Variants in RELCH observed in about 807,000 individuals in gnomAD.
RELCH encodes the protein RAB11 binding and LisH domain, coiled-coil and HEAT repeat containing.
In RELCH, 41 loss-of-function variants were observed where a neutral mutation model predicts 150.3. The ratio of observed to expected loss-of-function variants is 0.27; its 90% CI spans 0.21 to 0.35. The LOEUF (loss-of-function observed/expected upper bound fraction) is 0.35, where lower values mean the gene tolerates loss of function less well. RELCH is among the 10% of genes least tolerant of loss of function. RELCH has a pLI of 1.00. For synonymous variants in RELCH, 478 were observed against 531.8 expected (o/e 0.90, Z 1.39); for missense variants, 1,092 against 1,467.8 (o/e 0.74, Z 4.18).
chr18:62,237,022 A>T (rs2041911350), intron 10 of RELCH, among the ~76,000 whole-genome samples: 1 of 151,530 alleles, frequency 6.6e-6, no homozygotes, highest in African/African-American at 2.4e-5. Flanking sequence ...ATGTTTTCTC[A>T]TTAATTCTTG....
intron 23 of RELCH, chr18:62,280,367 T>C: frequency 1.2e-6 from 2 of 1,613,914 alleles, no homozygotes; most frequent in Non-Finnish European, 1.7e-6. Context: ...CAGCTGACTC[T>C]TCGAGGCATG....
chr18:62,212,786 C>CA (rs2040249046), intron 2 of RELCH, among the ~76,000 whole-genome samples: 1 of 152,094 alleles, frequency 6.6e-6, no homozygotes. Flanking sequence ...TACCTCTTGG[C>CA]ATGAAAGATT....
rs538558000 is a variant in RELCH, at chr18:62,225,762, A to G, written c.859-1527A>G. ...TAAATTTTGGTTGAATGATAGATAG[A>G]TGGACATTTGAATTATGTGTAATGT... On this transcript the variant is annotated intron_variant, in intron 5 of 28. Coordinates refer to ENST00000644646, the MANE Select transcript of RELCH (RefSeq NM_001346231.2). Among the ~76,000 whole-genome samples, 5 of 151,958 alleles carry G rather than the reference A, an allele frequency of 3.3e-5. No homozygotes were observed. In the East Asian group the frequency reaches 5.8e-4, roughly 18 times the overall value.
intron 1 of RELCH, among the ~76,000 whole-genome samples, chr18:62,208,879 G>A (rs935567587): frequency 2.0e-5 from 3 of 152,112 alleles, no homozygotes; most frequent in South Asian, 2.1e-4. Flanking sequence ...TGGGTCTCAC[G>A]TTGAGCTAAA....
intron 11 of RELCH, among the ~76,000 whole-genome samples, chr18:62,251,995 C>CTTTTTTTCT (rs1283408916): frequency 1.3e-5 from 2 of 151,736 alleles, no homozygotes; most frequent in African/African-American, 2.4e-5. Context: ...ATAATTTTTT[C>CTTTTTTTCT]TTTTTTTCTT....
intron 1 of RELCH, among the ~76,000 whole-genome samples, chr18:62,201,182 C>T (rs1163146138): frequency 2.0e-5 from 3 of 151,792 alleles, no homozygotes; most frequent in African/African-American, 7.3e-5. Context: ...ACCGTTTCAG[C>T]CAGGATGGTC....
chr18:62,255,621 C>A, intron 13 of RELCH, 143 bp downstream of exon 13: 1 of 656,120 alleles, frequency 1.5e-6, no homozygotes, highest in Non-Finnish European at 2.6e-6. Context: ...AAAAGAGACT[C>A]ACATTAGTAC....
intron 10 of RELCH, among the ~76,000 whole-genome samples, chr18:62,233,435 C>T (rs1281989844): frequency 6.6e-6 from 1 of 151,888 alleles, no homozygotes. Flanking sequence ...ATCCATTTAG[C>T]ACAAGAAATT....
intron 5 of RELCH, among the ~76,000 whole-genome samples, chr18:62,226,582 A>C (rs2041229794): frequency 6.6e-6 from 1 of 152,104 alleles, no homozygotes; most frequent in South Asian, 2.1e-4. Flanking sequence ...TAATAGGTAC[A>C]ATTTATGTAC....
At chr18:62,244,304 G>A (rs1200251123) in intron 10 of RELCH, among the ~76,000 whole-genome samples, 1 of 152,058 alleles carries the variant, frequency 6.6e-6, no homozygotes, top group East Asian at 1.9e-4. Flanking sequence ...GTACAAAATT[G>A]TTAGATCTAA....
intron 25 of RELCH, among the ~76,000 whole-genome samples, chr18:62,282,923 G>T (rs564773666): frequency 6.6e-6 from 1 of 152,272 alleles, no homozygotes; most frequent in East Asian, 1.9e-4. Context: ...CTCCCAAAGT[G>T]TTGGGATTAC....
chr18:62,292,089 T>C (rs8084388), intron 27 of RELCH, among the ~76,000 whole-genome samples: 21,538 of 152,116 alleles, frequency 0.14, 1,853 homozygotes, highest in African/African-American at 0.24. Flanking sequence ...CAGCTTTTCC[T>C]TTTACGATGT....
At chr18:62,267,294 T>A (rs1442191677) in intron 19 of RELCH, among the ~76,000 whole-genome samples, 2 of 151,748 alleles carry the variant, frequency 1.3e-5, no homozygotes, top group Non-Finnish European at 2.9e-5. Context: ...GTATGGATCT[T>A]GTGTCCCTAT....
rs68067609 is a variant in RELCH at position 62,253,267 on chromosome 18, TTGTGTGTGTGTGTGTGTGTGTG to T, written c.1824+537_1824+558del. Among the ~76,000 whole-genome samples the T allele has an allele frequency of 8.4e-3, 1,146 of 136,554 alleles. 17 individuals are homozygous for T. The highest frequency in any genetic ancestry group is 0.056 in the East Asian group (264 of 4,674). 89.6% of individuals were successfully genotyped at this position (136,554 alleles called of 152,430 possible). On this transcript the variant is annotated intron_variant, in intron 12 of 28. Transcript: ENST00000644646. ...TATACTTGAAGAAACAGCAAGAAGA[TTGTGTGTGTGTGTGTGTGTGTG>T]TGTGTGTGTGTGTGTGTGTGTGTAA... is the stretch of plus-strand genomic sequence containing the variant.
chr18:62,211,884 T>A (rs1012036541), intron 2 of RELCH, among the ~76,000 whole-genome samples: 1 of 152,200 alleles, frequency 6.6e-6, no homozygotes, highest in Non-Finnish European at 1.5e-5. Context: ...TCACAGCATG[T>A]CTTCAGAAAT....
At chr18:62,227,203 A>G (rs2148407683) in intron 5 of RELCH, 86 bp from the exon 6 acceptor site, 1 of 916,584 alleles carries the variant, frequency 1.1e-6, no homozygotes, top group South Asian at 1.7e-5. Flanking sequence ...CTTAAAAAAA[A>G]AAAAGATATT....
At chr18:62,226,218 GAC>G (rs985511038) in intron 5 of RELCH, among the ~76,000 whole-genome samples, 1 of 152,048 alleles carries the variant, frequency 6.6e-6, no homozygotes, top group Non-Finnish European at 1.5e-5. Context: ...AGAATGGTGA[GAC>G]AGTGTATTTA....
At position 62,309,066 on chromosome 18, in the gene RELCH, C is replaced by T. The variant is rs567614138; in HGVS notation, c.*3532C>T. 1.3e-5 allele frequency: 2 copies of T among 151,956 alleles called. No homozygotes were observed. Among genetic ancestry groups the T allele is most frequent in the Admixed American group, 1.3e-4 (2 of 15,278 alleles). The allele number at this position is 151,956 out of a possible 1,614,324, so 9.4% of individuals were successfully genotyped here. On this transcript the variant is annotated 3_prime_UTR_variant, in exon 29 of 29. Coordinates refer to ENST00000644646, the MANE Select transcript of RELCH (RefSeq NM_001346231.2). ...ACTAGCCTGACCAACATGGTGAAAC[C>T]GTCTCTACTAAAAATACAAAATTAG...
At chr18:62,218,977 A>G (rs867040768) in intron 2 of RELCH, among the ~76,000 whole-genome samples, 1 of 151,936 alleles carries the variant, frequency 6.6e-6, no homozygotes, top group Non-Finnish European at 1.5e-5. Flanking sequence ...AAACTTTCTC[A>G]TGTAACTGCA....
Sources: allele counts gnomAD v4.1 joint callset (sites outside exome capture counted in the v4.1 genomes callset), GRCh38; gene constraint gnomAD v4.1.1; transcripts MANE v1.5; gene names NCBI Gene and HGNC (gene_info 2026-07-23, HGNC 2026-07-21).